DST: variants seen among roughly 807,000 people sequenced by gnomAD.
DST encodes bullous pemphigoid antigen.
Under a neutral mutation model 875.2 loss-of-function variants are expected in DST, and 253 were observed. That is an observed-to-expected ratio of 0.29 (90% CI 0.26 to 0.32). The LOEUF (loss-of-function observed/expected upper bound fraction) is 0.32, where lower values mean the gene tolerates loss of function less well. Ranked by LOEUF, DST falls within the 10% of genes least tolerant of loss-of-function variation. The pLI is 1.00. For missense variants in DST, 8,287 were observed against 9,111.6 expected (o/e 0.91, Z 3.68); for synonymous variants, 3,124 against 3,197.1 (o/e 0.98, Z 0.77).
chr6:56,919,934 C>T (rs1188542965), intron 2 of DST, among the ~76,000 whole-genome samples: 1 of 152,038 alleles, frequency 6.6e-6, no homozygotes, highest in Non-Finnish European at 1.5e-5. Context: ...GCCTGGGTGA[C>T]GCAGTGAGAC....
intron 100 of DST, chr6:56,464,482 A>G: frequency 1.7e-6 from 1 of 577,418 alleles, no homozygotes. Context: ...GTGTTTGATC[A>G]CTTATAACAC....
Position 56,459,120 on chromosome 6 carries a change from G to A in DST, c.23342C>T (p.Thr7781Ile). The change falls in exon 104 of 104, where the codon ACA (threonine) becomes ATA (isoleucine). Residue 7781 changes from threonine to isoleucine, a missense_variant. Physicochemically the swap from Thr to Ile is moderately conservative, Grantham distance 89. This residue lies in a region of DST where 240 missense variants were observed against 237.3 expected (regional missense o/e 1.01). Coordinates refer to ENST00000680361, the MANE Select transcript of DST (RefSeq NM_001374736.1). ...VCSDVETVPQTHRPTPRAGSR... is the reference protein window; with the variant it reads ...VCSDVETVPQIHRPTPRAGSR... ...ACCTGCTCGGGGTGTAGGTCTGTGT[G>A]TCTGGGGGACAGTTTCCACATCTGA... 1 of 1,613,944 alleles carries A rather than the reference G, an allele frequency of 6.2e-7. No individual in the cohort carries two copies. The highest frequency in any genetic ancestry group is 1.1e-5 in the South Asian group (1 of 91,082).
intron 8 of DST, among the ~76,000 whole-genome samples, chr6:56,700,263 G>T (rs1262733238): frequency 6.6e-6 from 1 of 152,160 alleles, no homozygotes; most frequent in Non-Finnish European, 1.5e-5. Flanking sequence ...TGGAAAAATA[G>T]TCTTCCATGA....
intron 10 of DST, among the ~76,000 whole-genome samples, chr6:56,666,163 CAAAT>C (rs1309099163): frequency 1.3e-5 from 2 of 151,138 alleles, no homozygotes; most frequent in African/African-American, 4.9e-5. Context: ...GTTAGTAAAA[CAAAT>C]ACTCTTTATG....
At chr6:56,702,724 AAGGAAACAG>A (rs1183003093) in intron 7 of DST, among the ~76,000 whole-genome samples, 1 of 152,234 alleles carries the variant, frequency 6.6e-6, no homozygotes, top group Non-Finnish European at 1.5e-5. Context: ...AGTTAGCATG[AAGGAAACAG>A]AGGAAACAGA....
At chr6:56,909,432 G>A (rs1797897709) in intron 2 of DST, among the ~76,000 whole-genome samples, 1 of 152,156 alleles carries the variant, frequency 6.6e-6, no homozygotes, top group Non-Finnish European at 1.5e-5. Flanking sequence ...TGGCCAGCAT[G>A]ACCTTTGAAG....
rs373517903 is a variant in DST at position 56,631,340 on chromosome 6, G to A, written c.4013C>T (p.Thr1338Ile). Reference protein sequence around the residue: ...ERLKDDLGTITNKCEEFFSQA... With the variant: ...ERLKDDLGTIINKCEEFFSQA... The stretch of plus-strand genomic sequence containing the variant: ...ACTGAAAAACTCCTCACACTTATTT[G>A]TGATTGTTCCCAAATCATCTTTAAG... The change falls in exon 30 of 104, where the codon ACA becomes ATA. Residue 1338 changes from threonine (T) to isoleucine (I), a missense_variant. Physicochemically the swap from Thr to Ile is moderately conservative, Grantham distance 89 (BLOSUM62 -1). Around this residue, in one of 10 missense-constraint regions of DST, gnomAD observed 3,138 missense variants for 3,116.6 expected, o/e 1.01. Transcript: ENST00000680361. 6.2e-7 allele frequency: 1 copy of A among 1,613,952 alleles called. No homozygotes were observed. The highest frequency in any genetic ancestry group is 1.3e-5 in the African/African-American group (1 of 75,030).
At chr6:56,933,344 T>G (rs1318423408) in intron 2 of DST, among the ~76,000 whole-genome samples, 1 of 152,236 alleles carries the variant, frequency 6.6e-6, no homozygotes, top group African/African-American at 2.4e-5. Flanking sequence ...ACTTCTGCTT[T>G]CCTAAAACTT....
At chr6:56,775,967 G>A (rs1454555775) in intron 4 of DST, among the ~76,000 whole-genome samples, 3 of 152,248 alleles carry the variant, frequency 2.0e-5, no homozygotes, top group Non-Finnish European at 2.9e-5. Flanking sequence ...CACTTACAGT[G>A]CTTTGCTTCC....
intron 9 of DST, among the ~76,000 whole-genome samples, chr6:56,673,711 G>T (rs144051664): frequency 3.9e-5 from 6 of 152,150 alleles, no homozygotes; most frequent in Non-Finnish European, 5.9e-5. Flanking sequence ...ATTAAAAAGC[G>T]ATAATTTTAA....
chr6:56,784,011 T>C (rs1317845198), intron 4 of DST, among the ~76,000 whole-genome samples: 2 of 152,148 alleles, frequency 1.3e-5, no homozygotes, highest in African/African-American at 4.8e-5. Context: ...TATGAAATTC[T>C]GGGTTGAAAA....
intron 4 of DST, among the ~76,000 whole-genome samples, chr6:56,807,779 A>G (rs2099754927): frequency 6.6e-6 from 1 of 152,204 alleles, no homozygotes; most frequent in Non-Finnish European, 1.5e-5. Context: ...AAACTTCTAG[A>G]AAAAAATGTA....
At chr6:56,597,718 T>C (rs761968091) in intron 47 of DST, 22 bp downstream of exon 47, 1 of 1,599,968 alleles carries the variant, frequency 6.3e-7, no homozygotes. Flanking sequence ...TTGAACGATA[T>C]CATATGTTTA....
In DST at chr6:56,553,547, T is replaced by C; in HGVS notation, c.15245A>G (p.Lys5082Arg). The C allele has an allele frequency of 6.2e-7, 1 of 1,613,968 alleles. No homozygotes were observed. The highest frequency in any genetic ancestry group is 8.5e-7 in the Non-Finnish European group (1 of 1,179,888). The change falls in exon 61 of 104, where the codon AAA becomes AGA. Residue 5082 changes from lysine to arginine, a missense_variant. Around this residue, in one of 10 missense-constraint regions of DST, gnomAD observed 1,513 missense variants for 1,677.8 expected, o/e 0.90. Transcript: ENST00000680361. ...GAGTTTGGCAGATATTGGATGAGAT[T>C]TGTTTTGCTCTTCTTTCTTTGTATC... ...WLDTKKEEQN[K>R]SHPISAKLDV...
chr6:56,901,613 G>A (rs1342515171), intron 2 of DST, among the ~76,000 whole-genome samples: 1 of 151,104 alleles, frequency 6.6e-6, no homozygotes, highest in Non-Finnish European at 1.5e-5. Flanking sequence ...AATAAAATAA[G>A]ATAAAAAATA....
intron 4 of DST, among the ~76,000 whole-genome samples, chr6:56,800,529 C>G (rs1429163334): frequency 6.6e-6 from 1 of 152,084 alleles, no homozygotes; most frequent in South Asian, 2.1e-4. Context: ...CCTCTGATAT[C>G]CTAGGATGAG....
At chr6:56,523,403 T>G (rs1046703479) in intron 69 of DST, among the ~76,000 whole-genome samples, 1 of 152,120 alleles carries the variant, frequency 6.6e-6, no homozygotes, top group Admixed American at 6.6e-5. Context: ...AAACCTAAAT[T>G]TATACAAAGT....
chr6:56,566,245 GA>G (rs200689462), intron 55 of DST, among the ~76,000 whole-genome samples: 2 of 151,366 alleles, frequency 1.3e-5, no homozygotes, highest in African/African-American at 2.4e-5. Context: ...CTGCAGTATA[GA>G]AAAAAAAACT....
intron 74 of DST, among the ~76,000 whole-genome samples, chr6:56,509,142 T>C (rs1252117975): frequency 3.3e-5 from 5 of 152,162 alleles, no homozygotes; most frequent in African/African-American, 9.7e-5. Context: ...TAACAATGTA[T>C]GGTATGTACT....
Sources: gnomAD v4.1 joint callset for allele counts (sites outside exome capture counted in the v4.1 genomes callset) on GRCh38, gnomAD v4.1.1 for gene constraint, gnomAD v4.1.1 regional missense constraint, MANE v1.5 for transcripts, NCBI Gene and HGNC (gene_info 2026-07-23, HGNC 2026-07-21) for gene names.